The following TRIOBP variants were observed in gnomAD, a reference collection of about 807,000 sequenced individuals.
The protein encoded by TRIOBP is TRIO and F-actin binding protein, also known as TRIO and F-actin-binding protein.
A neutral mutation model predicts 238.8 loss-of-function variants in TRIOBP; 169 were observed. The observed-to-expected ratio is 0.71, with a 90% CI of 0.62 to 0.80. The LOEUF is 0.80. Among genes scored for constraint, TRIOBP ranks in the 30% least tolerant of loss-of-function variants. TRIOBP has a pLI of 0.00. For missense variants in TRIOBP, 2,838 were observed against 3,122.6 expected, an observed-to-expected ratio of 0.91 and a Z score of 2.17; for synonymous variants, 1,150 against 1,274.4, an observed-to-expected ratio of 0.90 and a Z score of 2.08.
chr22:37,736,186 C>T (rs1165697926), intron 9 of TRIOBP, among the ~76,000 whole-genome samples: 2 of 152,366 alleles, frequency 1.3e-5, no homozygotes, highest in East Asian at 1.9e-4. Context: ...CCAGAACATT[C>T]TTCATCTGAA....
intron 3 of TRIOBP, among the ~76,000 whole-genome samples, chr22:37,705,201 C>T (rs956496794): frequency 1.8e-4 from 28 of 152,040 alleles, no homozygotes; most frequent in Middle Eastern, 6.8e-3. Context: ...ATGGTGAAAC[C>T]CCATCTCTAT....
intron 22 of TRIOBP, 69 bp downstream of exon 22, chr22:37,771,805 C>T: frequency 4.9e-6 from 7 of 1,418,514 alleles, no homozygotes; most frequent in Non-Finnish European, 6.9e-6. Context: ...CCTGTGAGCA[C>T]CTGCTCTGTG....
chr22:37,734,974 A>G lies in TRIOBP; in HGVS notation c.4638A>G (p.Pro1546=), dbSNP rs931846129. 4 of 1,613,468 alleles carry G rather than the reference A, an allele frequency of 2.5e-6. No individual in the cohort carries two copies. Among genetic ancestry groups the G allele is most frequent in the South Asian group, 2.2e-5 (2 of 91,084 alleles). Residue 1546 remains proline, a synonymous_variant, in exon 9 of 24, where the codon CCA becomes CCG. Transcript: ENST00000644935. ...AVGWGAEGAC[P]YPRGSERRPE... ...GCTGGGGGGCAGAGGGAGCGTGTCCATACCCGCGTGGCTCTGAGAGGCGAC... is the reference window on the plus strand; with the variant it reads ...GCTGGGGGGCAGAGGGAGCGTGTCCGTACCCGCGTGGCTCTGAGAGGCGAC...
At chr22:37,702,572 G>C (rs1283714378) in intron 3 of TRIOBP, among the ~76,000 whole-genome samples, 1 of 150,594 alleles carries the variant, frequency 6.6e-6, no homozygotes, top group Non-Finnish European at 1.5e-5. Flanking sequence ...AGGGAGATTA[G>C]CAGATGTTAG....
chr22:37,708,860 G>A (rs987877819), intron 3 of TRIOBP, among the ~76,000 whole-genome samples: 7 of 152,232 alleles, frequency 4.6e-5, no homozygotes, highest in South Asian at 2.1e-4. Flanking sequence ...GGGACTGACC[G>A]TGGGGCCCAC....
rs1218984030 is a variant in TRIOBP at position 37,770,374 on chromosome 22, T to C, written c.6849+999T>C. ...CTGAGGCAGGAGAATGGCATGAACC[T>C]GGGAGGCGGAGCGTGCAGTGAGCCG... On this transcript the variant is annotated intron_variant, in intron 21 of 23. Transcript: ENST00000644935. 4.5e-5 allele frequency among the ~76,000 whole-genome samples: 6 copies of C among 134,704 alleles called. No individual in the cohort carries two copies. In the East Asian group the frequency reaches 8.2e-4, roughly 18 times the overall value. 88.4% of individuals were successfully genotyped at this position (134,704 alleles called of 152,430 possible). A position where few individuals can be genotyped will look rare whatever the true frequency, so the allele number is the denominator to read the frequency against.
At chr22:37,729,355 A>G (rs1924320006) in intron 7 of TRIOBP, among the ~76,000 whole-genome samples, 1 of 152,004 alleles carries the variant, frequency 6.6e-6, no homozygotes, top group African/African-American at 2.4e-5. Context: ...AGCTGGGACT[A>G]CAGGCGTGTA....
At chr22:37,718,843 G>GTTTTT (rs71195044) in intron 6 of TRIOBP, among the ~76,000 whole-genome samples, 4 of 103,350 alleles carry the variant, frequency 3.9e-5, no homozygotes, top group African/African-American at 7.1e-5. Flanking sequence ...ACTGGGGCTT[G>GTTTTT]TTTTTTTTTT....
rs973242410 is a variant in TRIOBP at position 37,726,354 on chromosome 22, G to C, written c.3798G>C (p.Glu1266Asp). 2.5e-6 allele frequency: 4 copies of C among 1,609,118 alleles called. No homozygotes were observed. In the African/African-American group the frequency reaches 4.0e-5, roughly 16 times the overall value. The part of the protein sequence containing the change: ...APPGETRHNL[E>D]REEYTVLADL... ...CCGGGGAGACCAGGCACAACTTGGA[G>C]CGGGAGGAGTACACTGTGCTGGCCG... is the stretch of plus-strand genomic sequence containing the variant. Residue 1266 changes from glutamate (E) to aspartate (D), a missense_variant, in exon 7 of 24, where the codon GAG (glutamate) becomes GAC (aspartate). Coordinates refer to ENST00000644935, the MANE Select transcript of TRIOBP (RefSeq NM_001039141.3).
intron 11 of TRIOBP, among the ~76,000 whole-genome samples, chr22:37,749,783 CAAAAA>C (rs893218020): frequency 1.7e-5 from 1 of 60,268 alleles, no homozygotes; most frequent in African/African-American, 6.3e-5. Flanking sequence ...CCCATCTCTA[CAAAAA>C]AAAAAAAAAA....
At chr22:37,733,751 A>G (rs1006407373) in intron 8 of TRIOBP, among the ~76,000 whole-genome samples, 2 of 143,748 alleles carry the variant, frequency 1.4e-5, no homozygotes. Context: ...GCTCACTGCA[A>G]CCTCTGCCTC....
At chr22:37,760,489 A>G (rs1926188060) in intron 17 of TRIOBP, 1 of 152,070 alleles carries the variant, frequency 6.6e-6, no homozygotes, top group African/African-American at 2.4e-5. Context: ...GATTGGCCCC[A>G]AGAGCACGCA....
chr22:37,771,709 C>G lies in TRIOBP; in HGVS notation c.6909C>G (p.Leu2303=). 6.2e-7 allele frequency: 1 copy of G among 1,614,110 alleles called. No individual in the cohort carries two copies. Among genetic ancestry groups the G allele is most frequent in the Non-Finnish European group, 8.5e-7 (1 of 1,180,010 alleles). Reference sequence around the variant, plus strand: ...ACCTAAAGAAGGAGGTGCAGTGCCTCCGGGACGAGCTCCAGATGATGCAGA... The same window carrying G: ...ACCTAAAGAAGGAGGTGCAGTGCCTGCGGGACGAGCTCCAGATGATGCAGA... The part of the protein sequence containing the change: ...LQYLKKEVQC[L]RDELQMMQKD... The change falls in exon 22 of 24, where the codon CTC becomes CTG. Residue 2303 remains leucine (L), a synonymous_variant. Coordinates refer to ENST00000644935, the MANE Select transcript of TRIOBP (RefSeq NM_001039141.3).
intron 7 of TRIOBP, among the ~76,000 whole-genome samples, chr22:37,730,053 T>C (rs1208108208): frequency 6.6e-6 from 1 of 152,126 alleles, no homozygotes; most frequent in Non-Finnish European, 1.5e-5. Flanking sequence ...TGATCTTAAT[T>C]TTTTTTTCCT....
intron 11 of TRIOBP, chr22:37,751,331 C>G (rs1925591831): frequency 3.0e-6 from 1 of 335,780 alleles, no homozygotes; most frequent in Non-Finnish European, 5.9e-6. Flanking sequence ...ACTGGCGGGC[C>G]CATGGGAGGG....
At chr22:37,769,990 A>G (rs1023681601) in intron 21 of TRIOBP, among the ~76,000 whole-genome samples, 3 of 150,654 alleles carry the variant, frequency 2.0e-5, no homozygotes, top group Non-Finnish European at 4.4e-5. Flanking sequence ...TGGCCTCACA[A>G]AGTGCTGGGA....
In TRIOBP at chr22:37,701,489, T is replaced by G. The variant is rs747182997; in HGVS notation, c.114+10T>G. 2 of 1,598,608 alleles carry G rather than the reference T, an allele frequency of 1.3e-6. No individual in the cohort carries two copies. The highest frequency in any genetic ancestry group is 2.2e-5 in the South Asian group (2 of 88,912). On this transcript the variant is annotated intron_variant, in intron 3 of 23. Transcript: ENST00000644935. ...TGGAGCAAGATACCAGGTGGGCCAG[T>G]TTTCCACGTGGTTGGGGTGGTTTGT...
Position 37,726,061 on chromosome 22 carries a change from C to T in TRIOBP, c.3505C>T (p.Arg1169Trp), listed in dbSNP as rs756046866. 28 of 1,594,040 alleles carry T rather than the reference C, an allele frequency of 1.8e-5. 1 individual carries two copies. Among genetic ancestry groups the T allele is most frequent in the Middle Eastern group, 1.7e-4 (1 of 6,030 alleles). ...CCCCACCCCTGTGTGCATTGGGCAC[C>T]GGGATGCACCCTCCTTCTCATCCCC... ...HIPTPVCIGHRDAPSFSSPPR... is the reference protein window; with the variant it reads ...HIPTPVCIGHWDAPSFSSPPR... The change falls in exon 7 of 24, where the codon CGG becomes TGG. Residue 1169 changes from arginine to tryptophan, a missense_variant. Around this residue, in one of 5 missense-constraint regions of TRIOBP, gnomAD observed 2,096 missense variants for 2,137.4 expected, o/e 0.98. Transcript: ENST00000644935.
Position 37,771,632 on chromosome 22 carries a change from C to T in TRIOBP, c.6850-18C>T. On this transcript the variant is annotated intron_variant, in intron 21 of 23. Transcript: ENST00000644935. ...TCTGGCTTCTGGCCCTGGGTCAGTC[C>T]AGCACCTATATCCCCAGGTGCTGCT... 1 of 1,612,934 alleles carries T rather than the reference C, an allele frequency of 6.2e-7. No homozygotes were observed.
Sources: gnomAD v4.1 joint callset for allele counts (sites outside exome capture counted in the v4.1 genomes callset) on GRCh38, gnomAD v4.1.1 for gene constraint, gnomAD v4.1.1 regional missense constraint, MANE v1.5 for transcripts, NCBI Gene and HGNC (gene_info 2026-07-23, HGNC 2026-07-21) for gene names.